Variants in PELI2 observed in about 807,000 individuals in gnomAD.
The protein encoded by PELI2 is pellino E3 ubiquitin protein ligase family member 2, also known as E3 ubiquitin-protein ligase pellino homolog 2.
PELI2 carries 23 observed loss-of-function variants against 42.3 expected under a neutral mutation model. That is an observed-to-expected ratio of 0.54 (90% CI 0.39 to 0.77). The LOEUF (loss-of-function observed/expected upper bound fraction) is 0.77. Among genes scored for constraint, PELI2 ranks in the 30% least tolerant of loss-of-function variants. PELI2 has a pLI of 0.00. For missense variants in PELI2, 463 were observed against 553.2 expected (o/e 0.84, Z 1.64); for synonymous variants, 245 against 212.2 (o/e 1.15, Z -1.34).
chr14:56,188,834 T>G (rs1885860255), intron 2 of PELI2, among the ~76,000 whole-genome samples: 1 of 152,212 alleles, frequency 6.6e-6, no homozygotes, highest in Non-Finnish European at 1.5e-5. Flanking sequence ...GGGCAAAAGA[T>G]GCCTTTTTGT....
At position 56,297,126 on chromosome 14, in the gene PELI2, A is replaced by C; in HGVS notation, c.1223A>C (p.Gln408Pro). The C allele has an allele frequency of 6.2e-7, 1 of 1,603,690 alleles. No homozygotes were observed. Among genetic ancestry groups the C allele is most frequent in the Non-Finnish European group, 8.5e-7 (1 of 1,179,846 alleles). Residue 408 changes from glutamine to proline, a missense_variant, in exon 6 of 6, where the codon CAA becomes CCA. Gln to Pro is a moderately conservative substitution (Grantham distance 76). Around this residue, in one of 3 missense-constraint regions of PELI2, gnomAD observed 103 missense variants for 129.6 expected, o/e 0.80. Coordinates refer to ENST00000267460, the MANE Select transcript of PELI2 (RefSeq NM_021255.3). ...TGTGCTACACAGCTGGTTGGGGAGC[A>C]AAACTGCATCAAATTAATTTTCCAA... ...PFCATQLVGE[Q>P]NCIKLIFQGP...
chr14:56,229,572 A>G (rs1043156702), intron 2 of PELI2, among the ~76,000 whole-genome samples: 2 of 152,246 alleles, frequency 1.3e-5, no homozygotes, highest in African/African-American at 4.8e-5. Context: ...AAGGACATCC[A>G]CACCAAAACC....
chr14:56,188,238 A>G (rs1885839008), intron 2 of PELI2, among the ~76,000 whole-genome samples: 1 of 152,176 alleles, frequency 6.6e-6, no homozygotes, highest in Non-Finnish European at 1.5e-5. Context: ...TCCCATTGCC[A>G]AGCACACTTT....
chr14:56,131,649 C>T (rs1335394265), intron 1 of PELI2, among the ~76,000 whole-genome samples: 2 of 152,190 alleles, frequency 1.3e-5, no homozygotes, highest in African/African-American at 4.8e-5. Flanking sequence ...TGCCTGTGCA[C>T]TACTGTTATG....
chr14:56,191,835 GATTTT>G (rs1186492435), intron 2 of PELI2, among the ~76,000 whole-genome samples: 1 of 152,102 alleles, frequency 6.6e-6, no homozygotes, highest in Non-Finnish European at 1.5e-5. Flanking sequence ...TTAAAGAAAA[GATTTT>G]ATTTTTATTT....
chr14:56,248,436 T>C (rs774349112), intron 2 of PELI2, among the ~76,000 whole-genome samples: 23 of 152,116 alleles, frequency 1.5e-4, no homozygotes, highest in Admixed American at 8.5e-4. Context: ...AAAGAAGCGA[T>C]ACATCCCGAT....
intron 1 of PELI2, among the ~76,000 whole-genome samples, chr14:56,154,203 A>G (rs1001320032): frequency 2.0e-5 from 3 of 152,196 alleles, no homozygotes; most frequent in African/African-American, 7.2e-5. Flanking sequence ...GTACATTTGT[A>G]TATTTTGGTT....
chr14:56,275,909 A>G (rs921073842), intron 2 of PELI2, among the ~76,000 whole-genome samples: 1 of 152,202 alleles, frequency 6.6e-6, no homozygotes, highest in Admixed American at 6.5e-5. Context: ...ACTAAGTTAT[A>G]GTGAATGCCA....
chr14:56,198,906 A>G (rs770236953), intron 2 of PELI2, among the ~76,000 whole-genome samples: 1 of 152,142 alleles, frequency 6.6e-6, no homozygotes, highest in Non-Finnish European at 1.5e-5. Flanking sequence ...GACAAAGTGA[A>G]TAATGTTCAC....
intron 1 of PELI2, among the ~76,000 whole-genome samples, chr14:56,158,499 A>C (rs1884646464): frequency 1.3e-5 from 2 of 151,704 alleles, no homozygotes; most frequent in Admixed American, 6.6e-5. Flanking sequence ...ATGCCACCAC[A>C]CCTGGCTAAT....
At chr14:56,186,064 A>G (rs1421661166) in intron 2 of PELI2, among the ~76,000 whole-genome samples, 4 of 152,286 alleles carry the variant, frequency 2.6e-5, no homozygotes, top group Non-Finnish European at 4.4e-5. Context: ...GGGTGGGCCC[A>G]TTGTAATCAC....
chr14:56,192,055 A>G (rs1038435450), intron 2 of PELI2, among the ~76,000 whole-genome samples: 2 of 152,164 alleles, frequency 1.3e-5, no homozygotes, highest in Non-Finnish European at 2.9e-5. Context: ...GGGTTTCGCC[A>G]TGTTGGCCAG....
At chr14:56,118,788 C>A (rs113941580) in intron 1 of PELI2, 51 bp downstream of exon 1, 146 of 1,293,792 alleles carry the variant, frequency 1.1e-4, no homozygotes, top group East Asian at 9.3e-4. Flanking sequence ...GGGGAGCGCC[C>A]GCATCCTGGA....
intron 2 of PELI2, among the ~76,000 whole-genome samples, 199 bp downstream of exon 2, chr14:56,178,663 A>G (rs1164483602): frequency 1.3e-5 from 2 of 152,316 alleles, no homozygotes; most frequent in East Asian, 3.9e-4. Flanking sequence ...TCACCCGCTA[A>G]GTGCCAGTAG....
intron 1 of PELI2, among the ~76,000 whole-genome samples, chr14:56,143,207 G>C (rs1468942363): frequency 6.6e-6 from 1 of 152,134 alleles, no homozygotes. Flanking sequence ...TCTCAATTTG[G>C]GTTAGTCAGT....
chr14:56,246,556 AG>A, intron 2 of PELI2, among the ~76,000 whole-genome samples: 1 of 152,300 alleles, frequency 6.6e-6, no homozygotes, highest in South Asian at 2.1e-4. Context: ...GTGGTCTACC[AG>A]TATTGATTAG....
intron 1 of PELI2, among the ~76,000 whole-genome samples, chr14:56,125,030 C>T (rs1370318137): frequency 1.3e-5 from 2 of 152,160 alleles, no homozygotes; most frequent in Non-Finnish European, 2.9e-5. Context: ...AGAAAGCCCT[C>T]TGCTCTTTGC....
At chr14:56,175,253 C>T (rs995947104) in intron 1 of PELI2, among the ~76,000 whole-genome samples, 2 of 152,176 alleles carry the variant, frequency 1.3e-5, no homozygotes, top group African/African-American at 4.8e-5. Flanking sequence ...GCCTCGGCCT[C>T]CCAAAGTGCT....
chr14:56,155,518 A>G (rs930739813), intron 1 of PELI2, among the ~76,000 whole-genome samples: 54 of 151,752 alleles, frequency 3.6e-4, no homozygotes, highest in African/African-American at 1.3e-3. Flanking sequence ...TAATATATCA[A>G]CAGTCTATTT....
Sources: allele counts gnomAD v4.1 joint callset (sites outside exome capture counted in the v4.1 genomes callset), GRCh38; gene constraint gnomAD v4.1.1; regional missense constraint gnomAD v4.1.1; transcripts MANE v1.5; gene names NCBI Gene and HGNC (gene_info 2026-07-23, HGNC 2026-07-21).